Variants in MYH2 observed in about 807,000 individuals in gnomAD.
MYH2 encodes the protein myosin-2.
MYH2 carries 139 observed loss-of-function variants against 228.1 expected under a neutral mutation model. The ratio of observed to expected loss-of-function variants is 0.61; its 90% CI spans 0.53 to 0.70. The LOEUF (loss-of-function observed/expected upper bound fraction) is 0.70, where lower values mean the gene tolerates loss of function less well. Ranked by LOEUF, MYH2 falls within the 30% of genes least tolerant of loss-of-function variation. The pLI is 0.00. For missense variants in MYH2, 1,809 were observed against 2,357.5 expected (o/e 0.77, Z 4.82); for synonymous variants, 796 against 871.1 (o/e 0.91, Z 1.52).
At chr17:10,547,267 C>T (rs75153936) in intron 4 of MYH2, among the ~76,000 whole-genome samples, 66 of 152,260 alleles carry the variant, frequency 4.3e-4, no homozygotes, top group African/African-American at 1.5e-3. Flanking sequence ...ACATGGACAG[C>T]GGCCTTCCCC....
At position 10,536,414 on chromosome 17, in the gene MYH2, T is replaced by C. The variant is rs893958284; in HGVS notation, c.1974+116A>G. ...AATTTTAATAAATGTAATGTGATAT[T>C]AGTATATGAATAGATAAATATATCC... On this transcript the variant is annotated intron_variant, in intron 17 of 39. Transcript: ENST00000245503. The C allele has an allele frequency of 3.9e-6, 3 of 771,674 alleles. No homozygotes were observed. The African/African-American group carries it at 5.3e-5, about 14-fold the overall frequency. The allele number at this position is 771,674 out of a possible 1,614,324, so 47.8% of individuals were successfully genotyped here.
chr17:10,542,900 T>C lies in MYH2; in HGVS notation c.879A>G (p.Thr293=), dbSNP rs1176338584. 2 of 1,609,576 alleles carry C rather than the reference T, an allele frequency of 1.2e-6. No homozygotes were observed. The highest frequency in any genetic ancestry group is 2.2e-5 in the East Asian group (1 of 44,714). Residue 293 remains threonine (T), a synonymous_variant, in exon 10 of 40, where the codon ACA becomes ACG. Coordinates refer to ENST00000245503, the MANE Select transcript of MYH2 (RefSeq NM_017534.6). ...CAATAAGTTCTGGTTTCTTATTCGA[T>C]GTAATCTGGTAAAAAATATGATAAC... is the stretch of plus-strand genomic sequence containing the variant. ...ERSYHIFYQI[T]SNKKPELIEM... is the part of the protein sequence containing the mutation.
chr17:10,527,798 C>A lies in MYH2; in HGVS notation c.3821G>T (p.Arg1274Leu), dbSNP rs756811670. 1 of 1,613,962 alleles carries A rather than the reference C, an allele frequency of 6.2e-7. No homozygotes were observed. The highest frequency in any genetic ancestry group is 8.5e-7 in the Non-Finnish European group (1 of 1,180,038). ...ELKSKEEEQQ[R>L]LINDLTAQRG... is the part of the protein sequence containing the mutation. Reference sequence around the variant, plus strand: ...CTGCGCAGTCAGGTCATTGATCAGCCGCTGCTGCTCCTCTTCCTTTGATTT... The same window carrying A: ...CTGCGCAGTCAGGTCATTGATCAGCAGCTGCTGCTCCTCTTCCTTTGATTT... Residue 1274 changes from arginine to leucine, a missense_variant, in exon 28 of 40, where the codon CGG (arginine) becomes CTG (leucine). Physicochemically the swap from Arg to Leu is moderately radical, Grantham distance 102. Transcript: ENST00000245503.
chr17:10,545,321 C>A (rs1330487937), intron 5 of MYH2, 25 bp downstream of exon 5: 1 of 1,608,866 alleles, frequency 6.2e-7, no homozygotes, highest in African/African-American at 1.4e-5. Context: ...GGTTTACGCA[C>A]TTGCAAAGCA....
intron 8 of MYH2, 45 bp from the exon 9 acceptor site, chr17:10,543,206 T>G: frequency 1.2e-5 from 16 of 1,378,296 alleles, no homozygotes; most frequent in Non-Finnish European, 1.5e-5. Context: ...TATATAATAT[T>G]AAATCTTTGA....
At position 10,537,367 on chromosome 17, in the gene MYH2, A is replaced by AT; in HGVS notation, c.1762_1763insA (p.Val588AspfsTer19). 6.2e-7 allele frequency: 1 copy of AT among 1,614,146 alleles called. No individual in the cohort carries two copies. Among genetic ancestry groups the AT allele is most frequent in the Non-Finnish European group, 8.5e-7 (1 of 1,180,028 alleles). ...CCAGCCAGTAATGTTGTAGTCCACA[A>AT]CACCAGCATAGTGAATCAGAGCGAA... On this transcript the variant is annotated frameshift_variant, in exon 16 of 40. Coordinates refer to ENST00000245503, the MANE Select transcript of MYH2 (RefSeq NM_017534.6). LOFTEE classifies it high-confidence loss of function. This position sits in a 1 kb window ranked among gnomAD's most constrained non-coding sequence, Gnocchi z 4.0.
chr17:10,534,479 G>T (rs2073459634), intron 19 of MYH2, among the ~76,000 whole-genome samples: 1 of 152,186 alleles, frequency 6.6e-6, no homozygotes, highest in Non-Finnish European at 1.5e-5. Context: ...GATTAAACAA[G>T]ATAATCTGAA....
At position 10,529,060 on chromosome 17, in the gene MYH2, T is replaced by C. The variant is rs941183469; in HGVS notation, c.3374A>G (p.Glu1125Gly). 1.9e-6 allele frequency: 3 copies of C among 1,614,210 alleles called. No individual in the cohort carries two copies. The highest frequency in any genetic ancestry group is 2.5e-6 in the Non-Finnish European group (3 of 1,180,038). ...KELQARIEEL[E>G]EEIEAERASR... ...GGCCCGCTCTGCCTCGATTTCCTCC[T>C]CCAGCTCCTCAATGCGGGCCTGGGA... The change falls in exon 27 of 40, where the codon GAG becomes GGG. Residue 1125 changes from glutamate (E) to glycine (G), a missense_variant. Glu to Gly is a moderately conservative substitution (Grantham distance 98). This residue lies in a region of MYH2 where 636 missense variants were observed against 729.9 expected (regional missense o/e 0.87). Transcript: ENST00000245503.
chr17:10,529,387 G>A lies in MYH2; in HGVS notation c.3212C>T (p.Ser1071Phe), dbSNP rs2142299853. The change falls in exon 25 of 40, where the codon TCC (serine) becomes TTC (phenylalanine). Residue 1071 changes from serine (S) to phenylalanine (F), a missense_variant. Coordinates refer to ENST00000245503, the MANE Select transcript of MYH2 (RefSeq NM_017534.6). ...LEGDLKLAQE[S>F]IMDIENEKQQ... ...TTTCTCATTTTCAATGTCCATTATG[G>A]ATTCTTGGGCCAACTTCAAGTCACC... The A allele has an allele frequency of 1.9e-6, 3 of 1,614,014 alleles. No individual in the cohort carries two copies. In the South Asian group the frequency reaches 3.3e-5, roughly 18 times the overall value.
intron 12 of MYH2, 36 bp from the exon 13 acceptor site, chr17:10,539,598 G>T: frequency 6.4e-7 from 1 of 1,571,966 alleles, no homozygotes; most frequent in South Asian, 1.1e-5. Context: ...TGTTATTGTG[G>T]CCCAAAGAAA....
intron 10 of MYH2, 143 bp downstream of exon 10, chr17:10,542,732 A>C (rs2073573169): frequency 3.5e-6 from 2 of 578,402 alleles, no homozygotes; most frequent in Admixed American, 6.7e-5. Context: ...AGCACATATA[A>C]ATTTTTACCA....
At chr17:10,540,154 A>G (rs779872842) in intron 11 of MYH2, 88 bp from the exon 12 acceptor site, 2 of 1,569,730 alleles carry the variant, frequency 1.3e-6, no homozygotes, top group Non-Finnish European at 1.8e-6. Context: ...GGCCTGAGGA[A>G]ACTACCAGTG....
At chr17:10,539,123 T>C in intron 14 of MYH2, 82 bp downstream of exon 14, 1 of 1,609,992 alleles carries the variant, frequency 6.2e-7, no homozygotes, top group Non-Finnish European at 8.5e-7. Flanking sequence ...TAAGAAAAGG[T>C]CATAGTCTTC....
chr17:10,537,895 G>T lies in MYH2; in HGVS notation c.1417-60C>A, dbSNP rs2073502450. On this transcript the variant is annotated intron_variant, in intron 14 of 39. Coordinates refer to ENST00000245503, the MANE Select transcript of MYH2 (RefSeq NM_017534.6). This position sits in a 1 kb window ranked among gnomAD's most constrained non-coding sequence, Gnocchi z 4.0. ...CAAATTGAGTATTTTTTAAAATACA[G>T]AACTTTTCCATTTTAAAAATATGTG... The T allele has an allele frequency of 6.2e-7, 1 of 1,613,220 alleles. No individual in the cohort carries two copies. The highest frequency in any genetic ancestry group is 8.5e-7 in the Non-Finnish European group (1 of 1,179,420).
intron 19 of MYH2, among the ~76,000 whole-genome samples, 190 bp from the exon 20 acceptor site, chr17:10,533,822 A>T (rs988295417): frequency 1.3e-5 from 2 of 152,134 alleles, no homozygotes; most frequent in Non-Finnish European, 2.9e-5. Context: ...TTTCCCTCGC[A>T]GTTGCAACTT....
At position 10,525,301 on chromosome 17, in the gene MYH2, T is replaced by C. The variant is rs2073336915; in HGVS notation, c.4585A>G (p.Ile1529Val). The change falls in exon 33 of 40, where the codon ATC (isoleucine) becomes GTC (valine). Residue 1529 changes from isoleucine (I) to valine (V), a missense_variant. Physicochemically the swap from Ile to Val is conservative, Grantham distance 29. Around this residue, in one of 9 missense-constraint regions of MYH2, gnomAD observed 636 missense variants for 729.9 expected, o/e 0.87. Transcript: ENST00000245503. This position sits in a 1 kb window ranked among gnomAD's most constrained non-coding sequence, Gnocchi z 4.2. Reference sequence around the variant, plus strand: ...TTCTTTATTTTCTCCAGTTCATGGATACGTTTCCCTCCTTCTGCAATCTGT... The same window carrying C: ...TTCTTTATTTTCTCCAGTTCATGGACACGTTTCCCTCCTTCTGCAATCTGT... ...TEQIAEGGKR[I>V]HELEKIKKQV... is the part of the protein sequence containing the mutation. The C allele has an allele frequency of 1.2e-6, 2 of 1,614,182 alleles. No homozygotes were observed. Among genetic ancestry groups the C allele is most frequent in the Non-Finnish European group, 1.7e-6 (2 of 1,180,018 alleles).
chr17:10,526,373 A>C (rs1390118000), intron 30 of MYH2, among the ~76,000 whole-genome samples: 1 of 152,172 alleles, frequency 6.6e-6, no homozygotes, highest in Non-Finnish European at 1.5e-5. Context: ...CCTAATTATC[A>C]GTGTAATTAT....
chr17:10,536,939 C>A (rs2073488289), intron 16 of MYH2, among the ~76,000 whole-genome samples: 1 of 152,142 alleles, frequency 6.6e-6, no homozygotes, highest in Non-Finnish European at 1.5e-5. Context: ...GATTTATACC[C>A]TCAGATACTC....
rs1295521633 is a variant in MYH2, at chr17:10,537,923, C to A, written c.1417-88G>T. 6.3e-7 allele frequency: 1 copy of A among 1,599,716 alleles called. No individual in the cohort carries two copies. Among genetic ancestry groups the A allele is most frequent in the African/African-American group, 1.3e-5 (1 of 74,288 alleles). ...CTTTTCCATTTTAAAAATATGTGTC[C>A]AAGAGCCTTTATATTACAGATATTA... On this transcript the variant is annotated intron_variant, in intron 14 of 39. Coordinates refer to ENST00000245503, the MANE Select transcript of MYH2 (RefSeq NM_017534.6). This position sits in a 1 kb window ranked among gnomAD's most constrained non-coding sequence, Gnocchi z 4.0.
Sources: gnomAD v4.1 joint callset for allele counts (sites outside exome capture counted in the v4.1 genomes callset) on GRCh38, gnomAD v4.1.1 for gene constraint, gnomAD v4.1.1 regional missense constraint, Gnocchi (gnomAD v3.1) non-coding constraint, MANE v1.5 for transcripts, NCBI Gene and HGNC (gene_info 2026-07-23, HGNC 2026-07-21) for gene names.